Variants in RGS14 observed in about 807,000 individuals in gnomAD.
RGS14 encodes the protein regulator of G protein signaling 14, also known as regulator of G-protein signaling 14.
RGS14 carries 33 observed loss-of-function variants against 63.8 expected under a neutral mutation model. The observed-to-expected ratio is 0.52, with a 90% CI of 0.39 to 0.69. The LOEUF is 0.69. Among genes scored for constraint, RGS14 ranks in the 30% least tolerant of loss-of-function variants. The pLI, the probability that RGS14 is intolerant of heterozygous loss-of-function variation, is 0.00. For missense variants in RGS14, 739 were observed against 742.9 expected (o/e 0.99, Z 0.06); for synonymous variants, 296 against 320.9 (o/e 0.92, Z 0.83).
rs981037059 is a variant in RGS14 at position 177,366,875 on chromosome 5, G to A, written c.340-16G>A. 6.2e-7 allele frequency: 1 copy of A among 1,613,526 alleles called. No homozygotes were observed. Among genetic ancestry groups the A allele is most frequent in the Non-Finnish European group, 8.5e-7 (1 of 1,179,564 alleles). On this transcript the variant is annotated splice_polypyrimidine_tract_variant and intron_variant, in intron 4 of 14. Coordinates refer to ENST00000408923, the MANE Select transcript of RGS14 (RefSeq NM_006480.5). ...CCACGCTCCCTGACCAACTCCTCCT[G>A]TCCCTCCTCCTTCAGCTAGCTCAGG... is the stretch of plus-strand genomic sequence containing the variant.
intron 9 of RGS14, 116 bp downstream of exon 9, chr5:177,369,036 A>T: frequency 9.9e-7 from 1 of 1,007,062 alleles, no homozygotes. Context: ...ACCCAACTCC[A>T]AAGCACCCTC....
chr5:177,360,566 TAAA>T lies in RGS14; in HGVS notation c.45+2519_45+2521del, dbSNP rs750301708. 8.6e-3 allele frequency among the ~76,000 whole-genome samples: 557 copies of T among 64,808 alleles called. 9 individuals are homozygous for T. The highest frequency in any genetic ancestry group is 0.03 in the African/African-American group (532 of 17,850). The allele number at this position is 64,808 out of a possible 152,430, so 42.5% of individuals were successfully genotyped here. ...TGGGTGAAAGAGCAAGATCCTATATTAAAAAAAAAAAAAAAAAAAAAAAAGATG... is the reference window on the plus strand; with the variant it reads ...TGGGTGAAAGAGCAAGATCCTATATTAAAAAAAAAAAAAAAAAAAAAGATG... On this transcript the variant is annotated intron_variant, in intron 1 of 14. Coordinates refer to ENST00000408923, the MANE Select transcript of RGS14 (RefSeq NM_006480.5).
At chr5:177,367,164 C>G (rs1762118772) in intron 5 of RGS14, 130 bp downstream of exon 5, 2 of 1,290,874 alleles carry the variant, frequency 1.5e-6, no homozygotes, top group Admixed American at 2.5e-5. Context: ...AGCCAAATGC[C>G]GGGGCAGGCA....
rs1174677637 is a variant in RGS14 at position 177,371,293 on chromosome 5, AG to A, written c.1336+49del. The A allele has an allele frequency of 1.3e-5, 21 of 1,613,842 alleles. No homozygotes were observed. The highest frequency in any genetic ancestry group is 1.6e-5 in the Non-Finnish European group (19 of 1,179,894). ...GCTTGATCTGGAACAGCTGTGGCCC[AG>A]GAGGAAGGGGGTCCAGGTGGGAGGC... On this transcript the variant is annotated intron_variant, in intron 12 of 14. Coordinates refer to ENST00000408923, the MANE Select transcript of RGS14 (RefSeq NM_006480.5). The surrounding 1 kb of genome is among the most constrained non-coding windows in gnomAD (Gnocchi z 6.1).
Position 177,366,208 on chromosome 5 carries a change from G to A in RGS14, c.99G>A (p.Gln33=). The stretch of plus-strand genomic sequence containing the variant: ...GCAGCACGACGGGGCCCCAGGGCCA[G>A]GGCGAGGGCCGCGGCAGCTCTCTCA... The part of the protein sequence containing the change: ...ELSSTTGPQG[Q]GEGRGSSLSI... The change falls in exon 3 of 15, where the codon CAG becomes CAA. Residue 33 remains glutamine (Q), a synonymous_variant. Coordinates refer to ENST00000408923, the MANE Select transcript of RGS14 (RefSeq NM_006480.5). 6.2e-7 allele frequency: 1 copy of A among 1,608,950 alleles called. No homozygotes were observed. The highest frequency in any genetic ancestry group is 8.5e-7 in the Non-Finnish European group (1 of 1,178,658).
At position 177,372,189 on chromosome 5, in the gene RGS14, G is replaced by A; in HGVS notation, c.*114G>A. 1 of 1,066,522 alleles carries A rather than the reference G, an allele frequency of 9.4e-7. No individual in the cohort carries two copies. Among genetic ancestry groups the A allele is most frequent in the East Asian group, 2.4e-5 (1 of 41,592 alleles). The allele number at this position is 1,066,522 out of a possible 1,614,324, so 66.1% of individuals were successfully genotyped here. A position where few individuals can be genotyped will look rare whatever the true frequency, so the allele number is the denominator to read the frequency against. On this transcript the variant is annotated 3_prime_UTR_variant, in exon 15 of 15. Transcript: ENST00000408923. ...AGTGTCCCTGGCCCCTTCCTGCCAT[G>A]GGCAGGCCCGCAGGAAGAGCCGGTA... is the stretch of plus-strand genomic sequence containing the variant.
At position 177,370,573 on chromosome 5, in the gene RGS14, G is replaced by C; in HGVS notation, c.1054-18G>C. On this transcript the variant is annotated intron_variant, in intron 9 of 14. Coordinates refer to ENST00000408923, the MANE Select transcript of RGS14 (RefSeq NM_006480.5). Reference sequence around the variant, plus strand: ...GTTGGGGGAGGGACTCTTAGACCCTGCCTGGCATCCACAGAAGGCCCTGGT... The same window carrying C: ...GTTGGGGGAGGGACTCTTAGACCCTCCCTGGCATCCACAGAAGGCCCTGGT... 1 of 1,612,930 alleles carries C rather than the reference G, an allele frequency of 6.2e-7. No homozygotes were observed. The highest frequency in any genetic ancestry group is 8.5e-7 in the Non-Finnish European group (1 of 1,179,112).
At position 177,372,289 on chromosome 5, in the gene RGS14, A is replaced by C; in HGVS notation, c.*214A>C. 8.9e-6 allele frequency: 5 copies of C among 559,232 alleles called. No homozygotes were observed. Among genetic ancestry groups the C allele is most frequent in the East Asian group, 6.0e-5 (2 of 33,116 alleles). The allele number at this position is 559,232 out of a possible 1,614,324, so 34.6% of individuals were successfully genotyped here. A position where few individuals can be genotyped will look rare whatever the true frequency, so the allele number is the denominator to read the frequency against. On this transcript the variant is annotated 3_prime_UTR_variant, in exon 15 of 15. Transcript: ENST00000408923. ...TTGTCCCTCAACAAGCTCACCCCCA[A>C]TCCCTTGCAGCCAGGCCACAATGGG... is the stretch of plus-strand genomic sequence containing the variant.
At chr5:177,365,592 A>G (rs1030686377) in intron 1 of RGS14, among the ~76,000 whole-genome samples, 1 of 152,302 alleles carries the variant, frequency 6.6e-6, no homozygotes, top group East Asian at 1.9e-4. Context: ...ATTATCTCCT[A>G]TTTACAGATT....
intron 1 of RGS14, among the ~76,000 whole-genome samples, chr5:177,363,740 C>A (rs78672738): frequency 6.6e-6 from 1 of 152,170 alleles, no homozygotes; most frequent in African/African-American, 2.4e-5. Flanking sequence ...GAGGAAAAAA[C>A]TGAGGCACAG....
chr5:177,358,201 C>G lies in RGS14; in HGVS notation c.45+132C>G. The G allele has an allele frequency of 4.3e-6, 3 of 700,376 alleles. No homozygotes were observed. Among genetic ancestry groups the G allele is most frequent in the East Asian group, 6.8e-5 (2 of 29,240 alleles). The allele number at this position is 700,376 out of a possible 1,614,324, so 43.4% of individuals were successfully genotyped here. A position where few individuals can be genotyped will look rare whatever the true frequency, so the allele number is the denominator to read the frequency against. On this transcript the variant is annotated intron_variant, in intron 1 of 14. Coordinates refer to ENST00000408923, the MANE Select transcript of RGS14 (RefSeq NM_006480.5). This position sits in a 1 kb window ranked among gnomAD's most constrained non-coding sequence, Gnocchi z 4.8. Reference sequence around the variant, plus strand: ...GCAGGCGAGAGAAGTTGGGTACAGACAGCAGCAGGTGGTAGGACCTGGTGC... The same window carrying G: ...GCAGGCGAGAGAAGTTGGGTACAGAGAGCAGCAGGTGGTAGGACCTGGTGC...
intron 3 of RGS14, 120 bp downstream of exon 3, chr5:177,366,475 C>A: frequency 1.1e-6 from 1 of 929,950 alleles, no homozygotes; most frequent in Non-Finnish European, 1.6e-6. Flanking sequence ...TCCTGCAGCA[C>A]CCTCTTCCTC....
Position 177,372,086 on chromosome 5 carries a change from A to G in RGS14, c.*11A>G, listed in dbSNP as rs1443652735. 1 of 1,609,688 alleles carries G rather than the reference A, an allele frequency of 6.2e-7. No homozygotes were observed. Among genetic ancestry groups the G allele is most frequent in the Non-Finnish European group, 8.5e-7 (1 of 1,176,870 alleles). ...GACTCAGCCCTCTGACAGCTACCCA[A>G]CAGTCCAGGACAGCTGCATGGCACC... On this transcript the variant is annotated 3_prime_UTR_variant, in exon 15 of 15. Coordinates refer to ENST00000408923, the MANE Select transcript of RGS14 (RefSeq NM_006480.5).
chr5:177,368,653 G>A, intron 8 of RGS14, 64 bp from the exon 9 acceptor site: 1 of 1,541,004 alleles, frequency 6.5e-7, no homozygotes. Context: ...ACCTATCTCT[G>A]TGTACCTGTG....
rs186599028 is a variant in RGS14 at position 177,368,176 on chromosome 5, C to T, written c.759C>T (p.Asn253=). ...SFRRELGGTA[N]AALRRESQGS... is the part of the protein sequence containing the mutation. Reference sequence around the variant, plus strand: ...CACTAGAGCTGGGCGGGACTGCAAACGCCGCCTTGCGCCGAGAGTCTCAGG... The same window carrying T: ...CACTAGAGCTGGGCGGGACTGCAAATGCCGCCTTGCGCCGAGAGTCTCAGG... Residue 253 remains asparagine, a synonymous_variant, in exon 8 of 15, where the codon AAC becomes AAT. Transcript: ENST00000408923. 13 of 1,613,632 alleles carry T rather than the reference C, an allele frequency of 8.1e-6. No individual in the cohort carries two copies. The highest frequency in any genetic ancestry group is 8.0e-5 in the African/African-American group (6 of 75,070).
At chr5:177,365,814 G>A in intron 1 of RGS14, 149 bp from the exon 2 acceptor site, 1 of 789,590 alleles carries the variant, frequency 1.3e-6, no homozygotes, top group Non-Finnish European at 2.2e-6. Flanking sequence ...GCCAGGGGCA[G>A]ACTGAGGAAA....
rs573237188 is a variant in RGS14 at position 177,371,418 on chromosome 5, T to C, written c.1383+22T>C. The C allele has an allele frequency of 3.1e-6, 5 of 1,614,050 alleles. No individual in the cohort carries two copies. In the East Asian group the frequency reaches 1.1e-4, roughly 36 times the overall value. ...CCAGGTGAGCGAAAGGCGAGTGGCC[T>C]CTTCCACCCTCTGCTTCTCCCCTCC... On this transcript the variant is annotated intron_variant, in intron 13 of 14. Transcript: ENST00000408923. The surrounding 1 kb of genome is among the most constrained non-coding windows in gnomAD (Gnocchi z 6.1).
At chr5:177,360,695 T>C (rs1319906610) in intron 1 of RGS14, among the ~76,000 whole-genome samples, 2 of 150,820 alleles carry the variant, frequency 1.3e-5, no homozygotes. Context: ...GGGCAGATCA[T>C]GAGGCCAAGA....
intron 10 of RGS14, 22 bp downstream of exon 10, chr5:177,370,686 C>G (rs893301969): frequency 1.2e-6 from 2 of 1,612,648 alleles, no homozygotes; most frequent in African/African-American, 1.3e-5. Flanking sequence ...GCCCCCAAGT[C>G]TGGGTCCCAG....
Sources: allele counts gnomAD v4.1 joint callset (sites outside exome capture counted in the v4.1 genomes callset), GRCh38; gene constraint gnomAD v4.1.1; non-coding constraint Gnocchi (gnomAD v3.1); transcripts MANE v1.5; gene names NCBI Gene and HGNC (gene_info 2026-07-23, HGNC 2026-07-21).